The following RASSF8 variants were observed in gnomAD, a reference collection of about 807,000 sequenced individuals.
The protein encoded by RASSF8 is Ras association domain family member 8.
Under a neutral mutation model 48.5 loss-of-function variants are expected in RASSF8, and 22 were observed. That is an observed-to-expected ratio of 0.45 (90% confidence interval 0.32 to 0.65). The LOEUF is 0.65. Among genes scored for constraint, RASSF8 ranks in the 30% least tolerant of loss-of-function variants. RASSF8 has a pLI of 0.03. For missense variants in RASSF8, 418 were observed against 489.2 expected, an observed-to-expected ratio of 0.85 and a Z score of 1.37; for synonymous variants, 127 against 171.5, an observed-to-expected ratio of 0.74 and a Z score of 2.03.
In RASSF8 at chr12:26,071,803, T is replaced by C. The variant is rs1944005845; in HGVS notation, c.*2985T>C. The C allele has an allele frequency of 2.1e-6, 2 of 936,750 alleles. No individual in the cohort carries two copies. Among genetic ancestry groups the C allele is most frequent in the Admixed American group, 7.9e-5 (1 of 12,704 alleles). The allele number at this position is 936,750 out of a possible 1,614,324, so 58.0% of individuals were successfully genotyped here. A position where few individuals can be genotyped will look rare whatever the true frequency, so the allele number is the denominator to read the frequency against. On this transcript the variant is annotated 3_prime_UTR_variant, in exon 6 of 6. Transcript: ENST00000689635. ...AGCAAGACTGATAGAGTAAAAACTA[T>C]ATAAATACAGTAAAAAAAAAATAGA... is the stretch of plus-strand genomic sequence containing the variant.
At chr12:25,992,372 C>T (rs1169238252) in intron 1 of RASSF8, among the ~76,000 whole-genome samples, 2 of 152,310 alleles carry the variant, frequency 1.3e-5, no homozygotes, top group East Asian at 3.9e-4. Context: ...GACCCTGGGC[C>T]AGTTATTTAA....
intron 2 of RASSF8, among the ~76,000 whole-genome samples, chr12:26,035,341 T>G (rs1275969656): frequency 6.7e-6 from 1 of 148,766 alleles, no homozygotes; most frequent in Non-Finnish European, 1.5e-5. Flanking sequence ...GAAAAAATTT[T>G]AAGCCCAGAA....
intron 3 of RASSF8, among the ~76,000 whole-genome samples, chr12:26,060,516 G>A (rs10505989): frequency 0.15 from 22,541 of 152,060 alleles, 1,880 homozygotes; most frequent in Admixed American, 0.23. Context: ...GATGAGGATC[G>A]TAATATCTAT....
intron 2 of RASSF8, among the ~76,000 whole-genome samples, chr12:26,012,895 C>T (rs1012138047): frequency 1.3e-5 from 2 of 151,996 alleles, no homozygotes; most frequent in African/African-American, 2.4e-5. Context: ...AGGCTGGTCT[C>T]GAACTGCTGG....
At chr12:26,075,777 A>C (rs1312498352), downstream of RASSF8, among the ~76,000 whole-genome samples, 1 of 152,188 alleles carries the variant, frequency 6.6e-6, no homozygotes, top group Non-Finnish European at 1.5e-5. Context: ...CACTTTAAAC[A>C]AGAAACAATC....
chr12:26,058,607 TA>T lies in RASSF8; in HGVS notation c.103+3165del, dbSNP rs368422064. On this transcript the variant is annotated intron_variant, in intron 3 of 5. Transcript: ENST00000689635. ...AGTTACAGGTTTTTTTCTGGATAGT[TA>T]AAATTATTTTTAGGAAACCATAGAA... Among the ~76,000 whole-genome samples the T allele has an allele frequency of 2.5e-3, 379 of 152,300 alleles. 2 individuals carry two copies. Among genetic ancestry groups the T allele is most frequent in the African/African-American group, 8.5e-3 (355 of 41,570 alleles).
chr12:25,990,172 A>G (rs957585929), intron 1 of RASSF8, among the ~76,000 whole-genome samples: 1 of 152,118 alleles, frequency 6.6e-6, no homozygotes, highest in Admixed American at 6.5e-5. Context: ...ATATTGATAA[A>G]TTAATGTGAA....
chr12:25,978,629 C>T (rs1348671989), intron 1 of RASSF8, among the ~76,000 whole-genome samples: 1 of 151,868 alleles, frequency 6.6e-6, no homozygotes, highest in Non-Finnish European at 1.5e-5. Context: ...ATGGGAGGCA[C>T]TCATTAAATA....
intron 2 of RASSF8, among the ~76,000 whole-genome samples, chr12:26,038,626 C>G (rs1411855412): frequency 7.6e-6 from 1 of 131,378 alleles, no homozygotes; most frequent in South Asian, 2.1e-4. Flanking sequence ...CACACACACA[C>G]ACACACACAC....
chr12:26,005,164 G>GTGT (rs113579361), intron 2 of RASSF8, among the ~76,000 whole-genome samples: 5 of 149,894 alleles, frequency 3.3e-5, no homozygotes, highest in Non-Finnish European at 7.4e-5. Flanking sequence ...TTACGGATGG[G>GTGT]GTGTGTGTGT....
intron 2 of RASSF8, among the ~76,000 whole-genome samples, chr12:26,032,140 C>A (rs1457325239): frequency 1.3e-5 from 2 of 152,096 alleles, no homozygotes; most frequent in African/African-American, 4.8e-5. Flanking sequence ...TTGAAAAGGT[C>A]CTTCAGTTTG....
At chr12:26,038,410 C>T (rs1943195583) in intron 2 of RASSF8, among the ~76,000 whole-genome samples, 1 of 152,096 alleles carries the variant, frequency 6.6e-6, no homozygotes, top group Admixed American at 6.5e-5. Flanking sequence ...TTTAGAACCT[C>T]AGCTTCTGAG....
At chr12:25,961,201 G>A (rs140852986) in intron 1 of RASSF8, among the ~76,000 whole-genome samples, 1 of 152,164 alleles carries the variant, frequency 6.6e-6, no homozygotes, top group Non-Finnish European at 1.5e-5. Context: ...ATAATGACTT[G>A]GAAGTAAAAA....
chr12:26,001,903 G>GT (rs2136985398), intron 2 of RASSF8, among the ~76,000 whole-genome samples: 1 of 152,246 alleles, frequency 6.6e-6, no homozygotes, highest in Admixed American at 6.5e-5. Context: ...GTAAATAATT[G>GT]TAAGTGCTGT....
chr12:26,024,604 T>C (rs972435017), intron 2 of RASSF8, among the ~76,000 whole-genome samples: 2 of 152,178 alleles, frequency 1.3e-5, no homozygotes, highest in Non-Finnish European at 2.9e-5. Context: ...TAAAAATGAC[T>C]GTACACTGTA....
intron 2 of RASSF8, among the ~76,000 whole-genome samples, chr12:26,039,270 A>T (rs938113467): frequency 2.0e-5 from 3 of 152,176 alleles, no homozygotes; most frequent in Non-Finnish European, 4.4e-5. Context: ...GTGGAACGTG[A>T]TCTCTCTGTC....
rs115015135 is a variant in RASSF8 at position 25,967,975 on chromosome 12, A to T, written c.-203+8827A>T. Reference sequence around the variant, plus strand: ...CGGGGCCCTTCTCTATCAGTAATCCATCCTCTCTCCCGAATTCAGTCTCGC... The same window carrying T: ...CGGGGCCCTTCTCTATCAGTAATCCTTCCTCTCTCCCGAATTCAGTCTCGC... On this transcript the variant is annotated intron_variant, in intron 1 of 5. Transcript: ENST00000689635. Among the ~76,000 whole-genome samples the T allele has an allele frequency of 3.1e-3, 477 of 152,238 alleles. 5 individuals carry two copies. Among genetic ancestry groups the T allele is most frequent in the African/African-American group, 0.011 (453 of 41,556 alleles).
At chr12:26,079,034 G>A (rs371393997) in exon 6 of RASSF8, 6 of 1,545,140 alleles carry the variant, frequency 3.9e-6, no homozygotes, top group South Asian at 2.4e-5. Context: ...TTTATCTAGG[G>A]ATCATCATTC....
rs184041753 is a variant in RASSF8 at position 25,961,169 on chromosome 12, G to A, written c.-203+2021G>A. On this transcript the variant is annotated intron_variant, in intron 1 of 5. Transcript: ENST00000689635. ...CTTCAGGGTTTCTGACTCATTAATT[G>A]ATCTGTTTTATGTTGATGTATATAA... Among the ~76,000 whole-genome samples, 115 of 152,216 alleles carry A rather than the reference G, an allele frequency of 7.6e-4. No individual in the cohort carries two copies. In the Middle Eastern group the frequency reaches 0.024, roughly 32 times the overall value.
Sources: allele counts gnomAD v4.1 joint callset (sites outside exome capture counted in the v4.1 genomes callset), GRCh38; gene constraint gnomAD v4.1.1; transcripts MANE v1.5; gene names NCBI Gene and HGNC (gene_info 2026-07-23, HGNC 2026-07-21).